GDAP1: variants seen among roughly 807,000 people sequenced by gnomAD.
GDAP1 encodes ganglioside induced differentiation associated protein 1, also known as ganglioside-induced differentiation-associated protein 1.
In GDAP1, 34 loss-of-function variants were observed where a neutral mutation model predicts 40.1. The observed-to-expected ratio is 0.85, with a 90% CI of 0.64 to 1.13. GDAP1 has a LOEUF of 1.13. GDAP1 is among the 50% of genes most tolerant of loss of function. GDAP1 has a pLI of 0.00. For missense variants in GDAP1, 374 were observed against 433.7 expected (o/e 0.86, Z 1.22); for synonymous variants, 170 against 157.4 (o/e 1.08, Z -0.60).
chr8:74,412,905 A>C (rs1202591724), intron 2 of GDAP1, among the ~76,000 whole-genome samples: 1 of 147,570 alleles, frequency 6.8e-6, no homozygotes, highest in Non-Finnish European at 1.5e-5. Context: ...AAAAATACAA[A>C]AAAAAAAAAA....
intron 2 of GDAP1, among the ~76,000 whole-genome samples, chr8:74,383,222 T>A (rs1235940012): frequency 6.6e-6 from 1 of 152,170 alleles, no homozygotes; most frequent in African/African-American, 2.4e-5. Flanking sequence ...CTTCCAAAAT[T>A]GGGTTGGGGG....
At chr8:74,418,758 G>C (rs1263679762) in intron 2 of GDAP1, among the ~76,000 whole-genome samples, 1 of 151,998 alleles carries the variant, frequency 6.6e-6, no homozygotes, top group Non-Finnish European at 1.5e-5. Flanking sequence ...ATACAGACTG[G>C]TAGAAAATAT....
intron 5 of GDAP1, 117 bp downstream of exon 5, chr8:74,363,170 CA>C (rs1809458506): frequency 3.0e-6 from 2 of 664,814 alleles, no homozygotes; most frequent in Non-Finnish European, 2.7e-6. Flanking sequence ...TATTCACAGG[CA>C]GTTTTAATTA....
intron 2 of GDAP1, 41 bp from the exon 3 acceptor site, chr8:74,360,096 T>C (rs774132727): frequency 2.1e-6 from 3 of 1,459,294 alleles, no homozygotes; most frequent in South Asian, 1.1e-5. Context: ...TAACAACTCA[T>C]GTGTAACTTT....
intron 2 of GDAP1, among the ~76,000 whole-genome samples, chr8:74,414,284 A>G (rs1027963926): frequency 2.0e-5 from 3 of 150,298 alleles, no homozygotes; most frequent in African/African-American, 7.6e-5. Flanking sequence ...GCATCAAGAA[A>G]TCACATGGGA....
intron 2 of GDAP1, among the ~76,000 whole-genome samples, chr8:74,417,070 T>TCAGA (rs1436741819): frequency 6.7e-6 from 1 of 149,232 alleles, no homozygotes; most frequent in Non-Finnish European, 1.5e-5. Flanking sequence ...CATTCACCAC[T>TCAGA]CAGACACAGC....
downstream of GDAP1, among the ~76,000 whole-genome samples, chr8:74,371,476 CG>C (rs1200250520): frequency 1.6e-4 from 24 of 151,756 alleles, no homozygotes; most frequent in Non-Finnish European, 2.8e-4. Context: ...CTGGCTAACA[CG>C]GTGAAACCCC....
At chr8:74,415,628 C>T (rs1018370585) in intron 2 of GDAP1, among the ~76,000 whole-genome samples, 6 of 150,020 alleles carry the variant, frequency 4.0e-5, no homozygotes, top group Non-Finnish European at 8.8e-5. Flanking sequence ...CAGGAAAAAG[C>T]CTTATCCCTG....
rs147988105 is a variant in GDAP1 at position 74,394,877 on chromosome 8, A to G, written c.165+43556A>G. Among the ~76,000 whole-genome samples the G allele has an allele frequency of 7.2e-5, 11 of 152,326 alleles. No homozygotes were observed. The East Asian group carries it at 2.1e-3, about 29-fold the overall frequency. ...GCCATCATGGGAACCAGGTCATGTCAGGAAGTAAAATTGTGAAACCCAAAG... is the reference window on the plus strand; with the variant it reads ...GCCATCATGGGAACCAGGTCATGTCGGGAAGTAAAATTGTGAAACCCAAAG... On this transcript the variant is annotated intron_variant, in intron 2 of 2. Transcript: ENST00000523640.
chr8:74,445,363 T>G (rs1586837451), intron 2 of GDAP1, among the ~76,000 whole-genome samples: 1 of 152,202 alleles, frequency 6.6e-6, no homozygotes, highest in East Asian at 1.9e-4. Context: ...TTGCTTTGCT[T>G]CTTTCGCAGA....
chr8:74,440,089 T>C (rs188071594), intron 2 of GDAP1, among the ~76,000 whole-genome samples: 2 of 152,308 alleles, frequency 1.3e-5, no homozygotes, highest in Admixed American at 1.3e-4. Flanking sequence ...AAAATTTTGA[T>C]TGTAAACTCC....
chr8:74,471,488 T>C (rs1806555497), intron 2 of GDAP1, among the ~76,000 whole-genome samples: 1 of 152,080 alleles, frequency 6.6e-6, no homozygotes, highest in Non-Finnish European at 1.5e-5. Context: ...TTGTTTTCTA[T>C]TGGTTTATTT....
chr8:74,387,827 G>C (rs1271352390), intron 2 of GDAP1, among the ~76,000 whole-genome samples: 1 of 151,918 alleles, frequency 6.6e-6, no homozygotes, highest in Non-Finnish European at 1.5e-5. Context: ...TTTTTTGTTT[G>C]GTAGGCTATT....
chr8:74,420,845 A>G (rs552546727), intron 2 of GDAP1, among the ~76,000 whole-genome samples: 2 of 151,880 alleles, frequency 1.3e-5, no homozygotes, highest in South Asian at 2.1e-4. Flanking sequence ...CTAGTGGTTA[A>G]TGCTTTTTAT....
chr8:74,375,194 G>A (rs1360732947), intron 2 of GDAP1, among the ~76,000 whole-genome samples: 1 of 152,128 alleles, frequency 6.6e-6, no homozygotes, highest in African/African-American at 2.4e-5. Flanking sequence ...AGGCATGGTG[G>A]TGTGCACCTG....
At chr8:74,442,937 A>G (rs1408416805) in intron 2 of GDAP1, among the ~76,000 whole-genome samples, 1 of 152,220 alleles carries the variant, frequency 6.6e-6, no homozygotes, top group Non-Finnish European at 1.5e-5. Flanking sequence ...TAATGCATTC[A>G]TTATTACAGC....
chr8:74,434,776 T>C (rs1806068922), intron 2 of GDAP1, among the ~76,000 whole-genome samples: 1 of 152,214 alleles, frequency 6.6e-6, no homozygotes, highest in Non-Finnish European at 1.5e-5. Flanking sequence ...CAGGTGGTAG[T>C]TGAGTTAGCA....
chr8:74,474,211 C>G (rs778052816), intron 2 of GDAP1, among the ~76,000 whole-genome samples: 9 of 152,118 alleles, frequency 5.9e-5, no homozygotes, highest in Non-Finnish European at 8.8e-5. Flanking sequence ...GTGGGGTTTT[C>G]TAGATATAGA....
chr8:74,359,492 C>T (rs971345983), intron 2 of GDAP1, among the ~76,000 whole-genome samples: 1 of 152,152 alleles, frequency 6.6e-6, no homozygotes, highest in Non-Finnish European at 1.5e-5. Flanking sequence ...GGAAAGTGCA[C>T]CTGCGATATT....
Sources: allele counts gnomAD v4.1 joint callset (sites outside exome capture counted in the v4.1 genomes callset), GRCh38; gene constraint gnomAD v4.1.1; transcripts MANE v1.5; gene names NCBI Gene and HGNC (gene_info 2026-07-23, HGNC 2026-07-21).